Variants in PLAAT5 observed in about 807,000 individuals in gnomAD.
PLAAT5 encodes phospholipase A and acyltransferase 5.
In PLAAT5, 27 loss-of-function variants were observed where a neutral mutation model predicts 27.8. The observed-to-expected ratio is 0.97, with a 90% confidence interval of 0.72 to 1.34. PLAAT5 has a LOEUF of 1.34. Among genes scored for constraint, PLAAT5 ranks in the 40% most tolerant of loss-of-function variants. The probability of loss-of-function intolerance (pLI) is 0.00; values close to 1 mark genes in which losing one functional copy is unlikely to be tolerated. For synonymous variants in PLAAT5, 125 were observed against 136.1 expected (o/e 0.92, Z 0.57); for missense variants, 368 against 343.8 (o/e 1.07, Z -0.56).
At chr11:63,489,109 T>G in intron 2 of PLAAT5, 133 bp from the exon 3 acceptor site, 1 of 562,784 alleles carries the variant, frequency 1.8e-6, no homozygotes, top group Non-Finnish European at 3.1e-6. Context: ...CCCCCGTTTG[T>G]TTCTGTGAAC....
intron 3 of PLAAT5, among the ~76,000 whole-genome samples, chr11:63,485,282 C>T (rs903295868): frequency 3.9e-5 from 6 of 151,932 alleles, no homozygotes; most frequent in African/African-American, 1.5e-4. Flanking sequence ...TGAAACAATC[C>T]TAAAATTAGT....
intron 3 of PLAAT5, among the ~76,000 whole-genome samples, chr11:63,484,022 T>C (rs2016374767): frequency 6.7e-6 from 1 of 149,438 alleles, no homozygotes; most frequent in Non-Finnish European, 1.5e-5. Context: ...ACACACAAAC[T>C]AGAAAATCTA....
intron 3 of PLAAT5, among the ~76,000 whole-genome samples, chr11:63,480,863 C>T (rs1454425075): frequency 6.6e-6 from 1 of 152,144 alleles, no homozygotes; most frequent in Non-Finnish European, 1.5e-5. Flanking sequence ...GATGCTGGTA[C>T]CTTCAATTCT....
chr11:63,463,938 C>T (rs1164700895), intron 5 of PLAAT5, among the ~76,000 whole-genome samples: 1 of 152,236 alleles, frequency 6.6e-6, no homozygotes, highest in Non-Finnish European at 1.5e-5. Context: ...GCGGAACTCA[C>T]TTGGACAGAG....
chr11:63,484,695 T>C (rs2016393109), intron 3 of PLAAT5, among the ~76,000 whole-genome samples: 1 of 152,192 alleles, frequency 6.6e-6, no homozygotes, highest in Non-Finnish European at 1.5e-5. Context: ...TTATAGTGAT[T>C]GGGGAAAAGT....
intron 3 of PLAAT5, among the ~76,000 whole-genome samples, chr11:63,483,801 G>GTATATATATATATATA (rs71039646): frequency 4.1e-5 from 1 of 24,158 alleles, no homozygotes; most frequent in African/African-American, 1.4e-4. Context: ...ATATATATAT[G>GTATATATATATATATA]TATATATATA....
chr11:63,490,050 C>T lies in PLAAT5; in HGVS notation c.239+193G>A, dbSNP rs574179656. The stretch of plus-strand genomic sequence containing the variant: ...TGGCTAGAAACAGCTGCAACGCATG[C>T]CTGTGGCCAGCAGGTCCCAAGCCCA... On this transcript the variant is annotated intron_variant, in intron 2 of 5. Transcript: ENST00000540857. Among the ~76,000 whole-genome samples, 3 of 152,314 alleles carry T rather than the reference C, an allele frequency of 2.0e-5. No individual in the cohort carries two copies. The East Asian group carries it at 5.8e-4, about 29-fold the overall frequency.
intron 4 of PLAAT5, 128 bp downstream of exon 4, chr11:63,468,229 G>T (rs2015916042): frequency 5.5e-6 from 4 of 721,752 alleles, no homozygotes; most frequent in Admixed American, 2.3e-5. Context: ...GTAAGCAAAG[G>T]TCCAGTCATG....
intron 2 of PLAAT5, among the ~76,000 whole-genome samples, chr11:63,489,806 G>A (rs1003934258): frequency 1.1e-4 from 17 of 152,174 alleles, no homozygotes. Flanking sequence ...AATAGTGTGT[G>A]GGGCAGAGGG....
At chr11:63,467,344 A>C (rs998578547) in intron 4 of PLAAT5, among the ~76,000 whole-genome samples, 10 of 152,198 alleles carry the variant, frequency 6.6e-5, no homozygotes, top group African/African-American at 2.4e-4. Context: ...TGGAAAGAAG[A>C]GATGAATTTC....
intron 3 of PLAAT5, among the ~76,000 whole-genome samples, chr11:63,486,718 C>T (rs545868358): frequency 1.3e-5 from 2 of 152,238 alleles, no homozygotes; most frequent in Admixed American, 6.5e-5. Context: ...GTGTACACTG[C>T]TCAGGTGATG....
chr11:63,464,884 G>A (rs1016777401), intron 5 of PLAAT5, among the ~76,000 whole-genome samples: 18 of 152,246 alleles, frequency 1.2e-4, no homozygotes, highest in African/African-American at 4.3e-4. Context: ...GCAGGTGGGT[G>A]ACATACCTAC....
intron 4 of PLAAT5, among the ~76,000 whole-genome samples, chr11:63,467,975 G>C (rs548538090): frequency 1.3e-5 from 2 of 152,356 alleles, no homozygotes; most frequent in South Asian, 4.1e-4. Context: ...GAGGACTATA[G>C]AAAACAAATG....
At chr11:63,481,813 A>AT (rs1189359409) in intron 3 of PLAAT5, among the ~76,000 whole-genome samples, 2 of 152,180 alleles carry the variant, frequency 1.3e-5, no homozygotes, top group Non-Finnish European at 2.9e-5. Flanking sequence ...AGGACAAAAA[A>AT]CCAAACACCG....
At chr11:63,479,264 C>T (rs922015696) in intron 3 of PLAAT5, among the ~76,000 whole-genome samples, 46 of 152,156 alleles carry the variant, frequency 3.0e-4, no homozygotes, top group African/African-American at 1.1e-3. Flanking sequence ...TCTTTCTCGT[C>T]CTTTGAAGAA....
chr11:63,474,027 G>T (rs764972790), intron 3 of PLAAT5, among the ~76,000 whole-genome samples: 2 of 152,108 alleles, frequency 1.3e-5, no homozygotes, highest in Non-Finnish European at 2.9e-5. Flanking sequence ...TGACTTGGGG[G>T]TGTTACACCA....
rs2015719635 is a variant in PLAAT5 at position 63,461,665 on chromosome 11, A to G, written c.*1838T>C. On this transcript the variant is annotated 3_prime_UTR_variant, in exon 6 of 6. Transcript: ENST00000540857. ...CTCATCTTCAAAGTGTGGGGTATGC[A>G]TTCCAGATCTCTCAGCCTGATGGAC... 6.6e-6 allele frequency: 1 copy of G among 152,178 alleles called. No individual in the cohort carries two copies. Among genetic ancestry groups the G allele is most frequent in the Non-Finnish European group, 1.5e-5 (1 of 68,036 alleles). 9.4% of individuals were successfully genotyped at this position (152,178 alleles called of 1,614,324 possible). A position where few individuals can be genotyped will look rare whatever the true frequency, so the allele number is the denominator to read the frequency against.
At chr11:63,468,097 T>C (rs925636132) in intron 4 of PLAAT5, among the ~76,000 whole-genome samples, 5 of 152,216 alleles carry the variant, frequency 3.3e-5, no homozygotes, top group Admixed American at 3.3e-4. Flanking sequence ...AAAATGTGTG[T>C]ATTTAAACAA....
In PLAAT5 at chr11:63,491,021, G is replaced by A. The variant is rs756894761; in HGVS notation, c.14C>T (p.Pro5Leu). Reference sequence around the variant, plus strand: ...GAGCGCGTACTCCCCCTCGGCGCCCGGGCTCAGGCCCATCCCGCCTCTGCG... The same window carrying A: ...GAGCGCGTACTCCCCCTCGGCGCCCAGGCTCAGGCCCATCCCGCCTCTGCG... MGLS[P>L]GAEGEYALRL... Residue 5 changes from proline to leucine, a missense_variant, in exon 1 of 6, where the codon CCG becomes CTG. Physicochemically the swap from Pro to Leu is moderately conservative, Grantham distance 98. Transcript: ENST00000540857. The A allele has an allele frequency of 7.3e-6, 11 of 1,500,758 alleles. No homozygotes were observed. The South Asian group carries it at 1.3e-4, about 18-fold the overall frequency. 93.0% of individuals were successfully genotyped at this position (1,500,758 alleles called of 1,614,324 possible). A position where few individuals can be genotyped will look rare whatever the true frequency, so the allele number is the denominator to read the frequency against.
Sources: gnomAD v4.1 joint callset for allele counts (sites outside exome capture counted in the v4.1 genomes callset) on GRCh38, gnomAD v4.1.1 for gene constraint, MANE v1.5 for transcripts, NCBI Gene and HGNC (gene_info 2026-07-23, HGNC 2026-07-21) for gene names.